Variants in TAFA1 observed in about 807,000 individuals in gnomAD.
TAFA1 encodes the protein TAFA chemokine like family member 1, also known as chemokine-like protein TAFA-1.
Under a neutral mutation model 18.5 loss-of-function variants are expected in TAFA1, and 4 were observed. That is an observed-to-expected ratio of 0.22 (90% confidence interval 0.11 to 0.49). The LOEUF (loss-of-function observed/expected upper bound fraction) is 0.49. TAFA1 is among the 20% of genes least tolerant of loss of function. The pLI is 0.98. For synonymous variants in TAFA1, 56 were observed against 55.2 expected (o/e 1.01, Z -0.06); for missense variants, 147 against 169.0 (o/e 0.87, Z 0.72).
chr3:68,262,235 T>C (rs2067440252), intron 2 of TAFA1, among the ~76,000 whole-genome samples: 1 of 147,288 alleles, frequency 6.8e-6, no homozygotes, highest in African/African-American at 2.5e-5. Flanking sequence ...AACTAGTGAT[T>C]ACCCAAACCC....
At chr3:67,995,606 C>G in the TAFA1 span, among the ~76,000 whole-genome samples, 1 of 152,136 alleles carries the variant, frequency 6.6e-6, no homozygotes, top group Non-Finnish European at 1.5e-5. Context: ...CTCCATTACA[C>G]TATGACAAAA....
At chr3:68,198,768 G>A (rs969568491) in intron 2 of TAFA1, among the ~76,000 whole-genome samples, 1 of 151,356 alleles carries the variant, frequency 6.6e-6, no homozygotes, top group African/African-American at 2.4e-5. Context: ...TTGAGTAACA[G>A]TCCTTTATCA....
chr3:68,280,163 GA>G (rs1221246422), intron 2 of TAFA1, among the ~76,000 whole-genome samples: 4 of 152,092 alleles, frequency 2.6e-5, no homozygotes, highest in African/African-American at 9.7e-5. Flanking sequence ...TAATGGAGAA[GA>G]AAAAGCTGTA....
chr3:68,007,517 G>C (rs184951486), intron 2 of TAFA1, among the ~76,000 whole-genome samples: 1 of 151,800 alleles, frequency 6.6e-6, no homozygotes, highest in Non-Finnish European at 1.5e-5. Context: ...TACCTTCCCC[G>C]GTTCTTGGAA....
At chr3:68,474,362 G>A (rs898228776) in intron 3 of TAFA1, among the ~76,000 whole-genome samples, 7 of 152,168 alleles carry the variant, frequency 4.6e-5, no homozygotes, top group Admixed American at 6.5e-5. Flanking sequence ...ATCCATTCGA[G>A]AATCTGAAGC....
chr3:68,203,630 G>GT (rs2066492463), intron 2 of TAFA1, among the ~76,000 whole-genome samples: 1 of 151,576 alleles, frequency 6.6e-6, no homozygotes, highest in South Asian at 2.1e-4. Context: ...ATGTTTTTCA[G>GT]TTTTTTTCCT....
At chr3:68,430,620 G>A (rs1392879619) in intron 3 of TAFA1, among the ~76,000 whole-genome samples, 1 of 152,050 alleles carries the variant, frequency 6.6e-6, no homozygotes, top group East Asian at 1.9e-4. Flanking sequence ...CCTATGAAGT[G>A]TCTGACAACA....
In TAFA1 at chr3:68,217,208, A is replaced by C. The variant is rs537610873; in HGVS notation, c.119-200072A>C. 7.9e-5 allele frequency among the ~76,000 whole-genome samples: 12 copies of C among 152,230 alleles called. No individual in the cohort carries two copies. The South Asian group carries it at 2.5e-3, about 32-fold the overall frequency. ...TAATGTAATTTATTAATTACTTTTAATGGCAAAAACTGCAATTTCTTTTGC... is the reference window on the plus strand; with the variant it reads ...TAATGTAATTTATTAATTACTTTTACTGGCAAAAACTGCAATTTCTTTTGC... On this transcript the variant is annotated intron_variant, in intron 2 of 4. Transcript: ENST00000478136.
intron 2 of TAFA1, among the ~76,000 whole-genome samples, chr3:68,195,730 AAT>A (rs747118572): frequency 4.6e-5 from 7 of 151,642 alleles, no homozygotes; most frequent in Non-Finnish European, 1.0e-4. Flanking sequence ...GCTATGTTTG[AAT>A]ATATCAGGCC....
intron 2 of TAFA1, among the ~76,000 whole-genome samples, chr3:68,064,115 G>C (rs2064642146): frequency 2.6e-5 from 4 of 152,136 alleles, no homozygotes; most frequent in Non-Finnish European, 5.9e-5. Context: ...AGCAAAATAG[G>C]GGAGAACCGG....
chr3:68,456,945 C>T (rs987107199), intron 3 of TAFA1, among the ~76,000 whole-genome samples: 1 of 152,126 alleles, frequency 6.6e-6, no homozygotes, highest in African/African-American at 2.4e-5. Context: ...AGTGGCACCT[C>T]GTATGGGTCC....
chr3:68,525,051 G>C (rs2073087762), intron 3 of TAFA1, among the ~76,000 whole-genome samples: 1 of 152,164 alleles, frequency 6.6e-6, no homozygotes, highest in Non-Finnish European at 1.5e-5. Flanking sequence ...CATAAATACA[G>C]TCAAAAGCGT....
intron 2 of TAFA1, among the ~76,000 whole-genome samples, chr3:68,148,186 T>G (rs755824800): frequency 2.6e-4 from 40 of 152,220 alleles, no homozygotes; most frequent in Non-Finnish European, 5.9e-5. Flanking sequence ...CTTGTTGTTT[T>G]TTGACTAATG....
Position 68,080,919 on chromosome 3 carries a change from G to T in TAFA1, c.118+74175G>T, listed in dbSNP as rs1405977149. On this transcript the variant is annotated intron_variant, in intron 2 of 4. Coordinates refer to ENST00000478136, the MANE Select transcript of TAFA1 (RefSeq NM_213609.4). ...ATCCTGCAGAGTGTTTTCCAACTTG[G>T]TTCCATTCTCCCCATCACTTTCAGG... Among the ~76,000 whole-genome samples the T allele has an allele frequency of 2.6e-4, 40 of 152,052 alleles. 1 individual carries two copies. Among genetic ancestry groups the T allele is most frequent in the Non-Finnish European group, 2.9e-5 (2 of 68,002 alleles).
chr3:68,170,023 A>G (rs946530026), intron 2 of TAFA1, among the ~76,000 whole-genome samples: 5 of 152,246 alleles, frequency 3.3e-5, no homozygotes, highest in Non-Finnish European at 7.3e-5. Flanking sequence ...AAGTCCTCAA[A>G]TGTAAATTTC....
chr3:68,349,549 G>T (rs1301169223), intron 2 of TAFA1, among the ~76,000 whole-genome samples: 1 of 151,996 alleles, frequency 6.6e-6, no homozygotes. Context: ...TTTTCAGCTG[G>T]CATTTTAAAA....
chr3:68,181,513 A>G (rs570759279), intron 2 of TAFA1, among the ~76,000 whole-genome samples: 24 of 152,196 alleles, frequency 1.6e-4, no homozygotes, highest in Non-Finnish European at 3.1e-4. Context: ...CAGGGTAACC[A>G]GTGGTGAGTT....
chr3:68,401,079 C>T (rs2070479006), intron 2 of TAFA1, among the ~76,000 whole-genome samples: 1 of 152,180 alleles, frequency 6.6e-6, no homozygotes, highest in Non-Finnish European at 1.5e-5. Context: ...TGACCACCAA[C>T]TCGTGGAGTT....
Position 68,516,809 on chromosome 3 carries a change from C to T in TAFA1, c.260-21947C>T, listed in dbSNP as rs1207181560. On this transcript the variant is annotated intron_variant, in intron 3 of 4. Coordinates refer to ENST00000478136, the MANE Select transcript of TAFA1 (RefSeq NM_213609.4). ...TTTTTTTTTGAGATGGAGTCTTGCT[C>T]TGTCACCCAGGCTGGAGTGCAATGG... Among the ~76,000 whole-genome samples, 4 of 152,220 alleles carry T rather than the reference C, an allele frequency of 2.6e-5. No individual in the cohort carries two copies. The East Asian group carries it at 7.7e-4, about 29-fold the overall frequency.
Sources: allele counts gnomAD v4.1 joint callset (sites outside exome capture counted in the v4.1 genomes callset), GRCh38; gene constraint gnomAD v4.1.1; transcripts MANE v1.5; gene names NCBI Gene and HGNC (gene_info 2026-07-23, HGNC 2026-07-21).